The following GPR89B variants were observed in gnomAD, a reference collection of about 807,000 sequenced individuals.
The protein encoded by GPR89B is golgi pH regulator B.
Under a neutral mutation model 52.4 loss-of-function variants are expected in GPR89B, and 25 were observed. The ratio of observed to expected loss-of-function variants is 0.48; its 90% CI spans 0.35 to 0.67. The LOEUF (loss-of-function observed/expected upper bound fraction) is 0.67. GPR89B is among the 30% of genes least tolerant of loss of function. The probability of loss-of-function intolerance (pLI) is 0.01; values close to 1 mark genes in which losing one functional copy is unlikely to be tolerated. For synonymous variants in GPR89B, 52 were observed against 151.2 expected, an observed-to-expected ratio of 0.34 and a Z score of 4.81; for missense variants, 146 against 450.2, an observed-to-expected ratio of 0.32 and a Z score of 6.11.
chr1:147,935,555 C>G (rs1654012887), intron 1 of GPR89B, among the ~76,000 whole-genome samples: 1 of 152,060 alleles, frequency 6.6e-6, no homozygotes, highest in African/African-American at 2.4e-5. Context: ...AAAGAGGGAT[C>G]CTGCAATCTC....
Position 147,937,535 on chromosome 1 carries a change from A to G in GPR89B, c.102+849A>G, listed in dbSNP as rs369084174. ...TGTATTTTAGTCCTATCTCAACCGC[A>G]TAAGACAGACACTCCCAGAGCGGCC... On this transcript the variant is annotated intron_variant, in intron 2 of 13. Coordinates refer to ENST00000314163, the MANE Select transcript of GPR89B (RefSeq NM_016334.5). Among the ~76,000 whole-genome samples the G allele has an allele frequency of 3.9e-5, 6 of 152,278 alleles. No individual in the cohort carries two copies. The East Asian group carries it at 7.7e-4, about 20-fold the overall frequency.
chr1:147,937,080 C>G (rs1654148769), intron 2 of GPR89B, among the ~76,000 whole-genome samples: 1 of 152,034 alleles, frequency 6.6e-6, no homozygotes, highest in African/African-American at 2.4e-5. Context: ...GAACCAGTCC[C>G]CAATATTTCA....
At chr1:147,977,761 C>T (rs1344934126) in intron 10 of GPR89B, among the ~76,000 whole-genome samples, 8 of 148,326 alleles carry the variant, frequency 5.4e-5, no homozygotes, top group African/African-American at 2.0e-4. Flanking sequence ...AGATTCTTTC[C>T]TCTGCTTAGT....
chr1:147,966,004 G>A (rs1452353821), intron 7 of GPR89B, among the ~76,000 whole-genome samples: 4 of 151,494 alleles, frequency 2.6e-5, no homozygotes, highest in Non-Finnish European at 4.4e-5. Flanking sequence ...GGGTCACCAC[G>A]CCCAGCTAAT....
At chr1:148,011,965 G>T in the GPR89B span, 1 of 152,102 alleles carries the variant, frequency 6.6e-6, no homozygotes, top group Non-Finnish European at 1.5e-5. Context: ...AAAAATCTTT[G>T]GTGGATTCCC....
the GPR89B span, among the ~76,000 whole-genome samples, chr1:148,021,140 T>G: frequency 6.6e-6 from 1 of 151,810 alleles, no homozygotes; most frequent in South Asian, 2.1e-4. Flanking sequence ...AGGTACCTGG[T>G]CACTGATTCT....
the GPR89B span, among the ~76,000 whole-genome samples, chr1:148,022,207 G>A: frequency 6.6e-6 from 1 of 151,330 alleles, no homozygotes; most frequent in African/African-American, 2.4e-5. Context: ...AGTTCTTCCA[G>A]GATTGAGTTT....
the GPR89B span, chr1:148,024,752 C>G: frequency 2.0e-5 from 3 of 149,964 alleles, no homozygotes; most frequent in South Asian, 2.1e-4. Context: ...GGAGAAGTGG[C>G]CAAGCACCTC....
At chr1:147,994,018 A>T, downstream of GPR89B, 1 of 817,938 alleles carries the variant, frequency 1.2e-6, no homozygotes. Flanking sequence ...AGACATCATC[A>T]TACAGAGAAA....
At chr1:147,928,631 C>T (rs1302780598) in intron 1 of GPR89B, 53 bp downstream of exon 1, 3 of 1,610,162 alleles carry the variant, frequency 1.9e-6, no homozygotes, top group South Asian at 1.1e-5. Context: ...CACCGAATCG[C>T]CCTCTCCGGT....
chr1:147,983,422 A>G (rs1369277124), intron 10 of GPR89B, among the ~76,000 whole-genome samples: 1 of 152,014 alleles, frequency 6.6e-6, no homozygotes, highest in Non-Finnish European at 1.5e-5. Context: ...TTTGCAACCT[A>G]CTCATCTGAC....
the GPR89B span, among the ~76,000 whole-genome samples, chr1:148,013,691 C>G: frequency 6.6e-6 from 1 of 151,992 alleles, no homozygotes; most frequent in South Asian, 2.1e-4. Context: ...AGCCAGCCCC[C>G]TGGACCGGCT....
At chr1:147,949,738 A>T (rs1655403728) in intron 5 of GPR89B, among the ~76,000 whole-genome samples, 1 of 130,914 alleles carries the variant, frequency 7.6e-6, no homozygotes, top group African/African-American at 3.1e-5. Flanking sequence ...ACTTCCCAGT[A>T]GGGGCAGCCG....
At chr1:148,012,680 A>C in the GPR89B span, among the ~76,000 whole-genome samples, 1 of 151,910 alleles carries the variant, frequency 6.6e-6, no homozygotes, top group African/African-American at 2.4e-5. Flanking sequence ...AGGAAAGAAT[A>C]ATATCTCCGT....
downstream of GPR89B, among the ~76,000 whole-genome samples, chr1:147,994,567 A>C (rs1354189381): frequency 6.6e-6 from 1 of 152,190 alleles, no homozygotes; most frequent in African/African-American, 2.4e-5. Flanking sequence ...AGCCTGAATC[A>C]GATGATCTAG....
At chr1:148,004,657 G>C in the GPR89B span, among the ~76,000 whole-genome samples, 1 of 105,800 alleles carries the variant, frequency 9.5e-6, no homozygotes, top group Non-Finnish European at 2.0e-5. Context: ...GAGAAGGTTG[G>C]TCAATTTTTA....
chr1:147,977,630 C>T (rs1277125097), intron 10 of GPR89B, among the ~76,000 whole-genome samples: 6 of 150,666 alleles, frequency 4.0e-5, no homozygotes, highest in Non-Finnish European at 7.4e-5. Flanking sequence ...CTGAATCAGC[C>T]GTAGGTTCGG....
At chr1:147,930,873 C>G (rs1249132940) in intron 1 of GPR89B, among the ~76,000 whole-genome samples, 1 of 152,152 alleles carries the variant, frequency 6.6e-6, no homozygotes, top group Non-Finnish European at 1.5e-5. Context: ...CAGATTTCCA[C>G]ACAGTGTGTT....
intron 1 of GPR89B, 28 bp from the exon 2 acceptor site, chr1:147,936,599 T>C: frequency 1.3e-6 from 2 of 1,588,026 alleles, no homozygotes; most frequent in Non-Finnish European, 1.7e-6. Flanking sequence ...AAAATATGTA[T>C]TGACATTCTA....
Sources: gnomAD v4.1 joint callset for allele counts (sites outside exome capture counted in the v4.1 genomes callset) on GRCh38, gnomAD v4.1.1 for gene constraint, MANE v1.5 for transcripts, NCBI Gene and HGNC (gene_info 2026-07-23, HGNC 2026-07-21) for gene names.